Variants in GTF3C2 observed in about 807,000 individuals in gnomAD.
GTF3C2 encodes general transcription factor 3C polypeptide 2.
A neutral mutation model predicts 117.4 loss-of-function variants in GTF3C2; 17 were observed. That is an observed-to-expected ratio of 0.14 (90% CI 0.10 to 0.22). GTF3C2 has a LOEUF of 0.22. GTF3C2 is among the 10% of genes least tolerant of loss of function. GTF3C2 has a pLI of 1.00. For missense variants in GTF3C2, 888 were observed against 1,143.6 expected (o/e 0.78, Z 3.22); for synonymous variants, 437 against 427.0 (o/e 1.02, Z -0.29).
intron 1 of GTF3C2, among the ~76,000 whole-genome samples, chr2:27,348,041 C>T (rs970315174): frequency 6.6e-6 from 1 of 152,146 alleles, no homozygotes; most frequent in Non-Finnish European, 1.5e-5. Flanking sequence ...GAGGCCCGGA[C>T]GGGCCAATCA....
chr2:27,331,547 G>T (rs1004372123), intron 12 of GTF3C2, among the ~76,000 whole-genome samples: 3 of 151,946 alleles, frequency 2.0e-5, no homozygotes, highest in African/African-American at 7.2e-5. Flanking sequence ...GGATGGTCTC[G>T]ATCTCTTGAC....
chr2:27,336,041 A>G lies in GTF3C2; in HGVS notation c.1356-13T>C. On this transcript the variant is annotated splice_polypyrimidine_tract_variant and intron_variant, in intron 8 of 18. Transcript: ENST00000264720. The stretch of plus-strand genomic sequence containing the variant: ...CCTGTTGCCAGGACTGGAGAGAGAG[A>G]GCATGTGGGGATGGTGGGTAGGAAG... 1.3e-6 allele frequency: 2 copies of G among 1,561,138 alleles called. No homozygotes were observed. The highest frequency in any genetic ancestry group is 1.8e-6 in the Non-Finnish European group (2 of 1,131,760).
At chr2:27,349,144 A>ATTTTT (rs36040548) in intron 1 of GTF3C2, among the ~76,000 whole-genome samples, 8 of 39,202 alleles carry the variant, frequency 2.0e-4, no homozygotes, top group Admixed American at 3.4e-4. Context: ...GCCTGATTTG[A>ATTTTT]TTTTTTTTTT....
chr2:27,338,460 G>GCACACACA (rs59913490), intron 4 of GTF3C2, among the ~76,000 whole-genome samples: 6 of 76,184 alleles, frequency 7.9e-5, no homozygotes, highest in South Asian at 1.0e-3. Context: ...GCGCACGCGC[G>GCACACACA]CACACACACA....
intron 1 of GTF3C2, among the ~76,000 whole-genome samples, chr2:27,355,333 C>T (rs1180803293): frequency 1.3e-5 from 2 of 152,116 alleles, no homozygotes; most frequent in South Asian, 2.1e-4. Flanking sequence ...CCAGCCTGAC[C>T]AACATGGTAA....
exon 1 of GTF3C2, chr2:27,356,758 G>A (rs1466882696): frequency 6.5e-6 from 1 of 152,848 alleles, no homozygotes; most frequent in Non-Finnish European, 1.5e-5. Flanking sequence ...AGTCCTTCCG[G>A]AAGTCTAAGT....
At chr2:27,344,025 A>AC (rs1680834538) in intron 1 of GTF3C2, among the ~76,000 whole-genome samples, 1 of 145,766 alleles carries the variant, frequency 6.9e-6, no homozygotes, top group Non-Finnish European at 1.5e-5. Flanking sequence ...TAAAGCTTCC[A>AC]TTTTTTTTTT....
At position 27,337,562 on chromosome 2, in the gene GTF3C2, G is replaced by C. The variant is rs774419701; in HGVS notation, c.951-4C>G. ...GTATGAATGTTTCTGCTCTCGGCTGGAGAAACAGAAGAAGCATTAATGAAG... is the reference window on the plus strand; with the variant it reads ...GTATGAATGTTTCTGCTCTCGGCTGCAGAAACAGAAGAAGCATTAATGAAG... On this transcript the variant is annotated splice_polypyrimidine_tract_variant and splice_region_variant and intron_variant, in intron 5 of 18. Coordinates refer to ENST00000264720, the Ensembl canonical transcript of GTF3C2. 2 of 1,596,476 alleles carry C rather than the reference G, an allele frequency of 1.3e-6. No individual in the cohort carries two copies. The highest frequency in any genetic ancestry group is 1.7e-6 in the Non-Finnish European group (2 of 1,164,094).
chr2:27,329,621 T>A lies in GTF3C2; in HGVS notation c.1733-98A>T. ...CTCCTAGGACCTTTGTCTTCTACCC[T>A]CAGATCCAAACCACTATGAAAGGAT... On this transcript the variant is annotated intron_variant, in intron 12 of 18. Coordinates refer to ENST00000264720, the Ensembl canonical transcript of GTF3C2. This position sits in a 1 kb window ranked among gnomAD's most constrained non-coding sequence, Gnocchi z 4.5. The A allele has an allele frequency of 8.6e-7, 1 of 1,161,322 alleles. No homozygotes were observed. The highest frequency in any genetic ancestry group is 2.6e-4 in the Middle Eastern group (1 of 3,802). The allele number at this position is 1,161,322 out of a possible 1,614,324, so 71.9% of individuals were successfully genotyped here.
intron 1 of GTF3C2, among the ~76,000 whole-genome samples, chr2:27,345,398 G>A (rs1680881785): frequency 6.6e-6 from 1 of 152,152 alleles, no homozygotes; most frequent in Non-Finnish European, 1.5e-5. Context: ...TTCGAGACCA[G>A]CCTGGCCAAC....
chr2:27,348,072 C>T (rs1269950341), intron 1 of GTF3C2, among the ~76,000 whole-genome samples: 2 of 152,126 alleles, frequency 1.3e-5, no homozygotes, highest in South Asian at 4.1e-4. Flanking sequence ...AGTTTGAGAC[C>T]ACCTGGCCAA....
intron 17 of GTF3C2, among the ~76,000 whole-genome samples, 180 bp downstream of exon 17, chr2:27,327,857 A>C (rs1018483652): frequency 1.3e-5 from 2 of 151,714 alleles, no homozygotes; most frequent in African/African-American, 4.8e-5. Flanking sequence ...TGATCTCTTG[A>C]CCTTGTGATC....
chr2:27,352,393 C>T (rs1251146181), intron 1 of GTF3C2, among the ~76,000 whole-genome samples: 3 of 152,150 alleles, frequency 2.0e-5, no homozygotes, highest in African/African-American at 4.8e-5. Flanking sequence ...GTGGGAGATA[C>T]TTCAACTTTT....
exon 17 of GTF3C2, chr2:27,328,187 A>G: frequency 6.4e-7 from 1 of 1,568,592 alleles, no homozygotes; most frequent in Non-Finnish European, 8.6e-7. Flanking sequence ...CTTTATATAT[A>G]GGCTGGAAAG....
intron 12 of GTF3C2, among the ~76,000 whole-genome samples, chr2:27,331,887 C>T (rs1027733660): frequency 6.6e-6 from 1 of 152,046 alleles, no homozygotes; most frequent in Non-Finnish European, 1.5e-5. Flanking sequence ...CGCAGTGAGC[C>T]AAGATCTTGC....
At chr2:27,327,443 G>C (rs919516532) in intron 17 of GTF3C2, among the ~76,000 whole-genome samples, 159 bp from the exon 18 acceptor site, 1 of 151,966 alleles carries the variant, frequency 6.6e-6, no homozygotes, top group Non-Finnish European at 1.5e-5. Flanking sequence ...CTCCGCCTCA[G>C]CCTCCTGAGT....
chr2:27,342,277 A>G (rs761143457), intron 3 of GTF3C2, 44 bp from the exon 4 acceptor site: 1 of 1,509,250 alleles, frequency 6.6e-7, no homozygotes, highest in Non-Finnish European at 9.0e-7. Context: ...CATATGACTG[A>G]GAACCCACGT....
At chr2:27,344,011 C>G (rs1680833958) in intron 1 of GTF3C2, among the ~76,000 whole-genome samples, 1 of 150,210 alleles carries the variant, frequency 6.7e-6, no homozygotes, top group Non-Finnish European at 1.5e-5. Flanking sequence ...AACAAGTAAA[C>G]AAATAAAGCT....
intron 12 of GTF3C2, among the ~76,000 whole-genome samples, chr2:27,332,665 C>T (rs757253914): frequency 2.6e-5 from 4 of 152,052 alleles, no homozygotes; most frequent in Admixed American, 1.3e-4. Context: ...CTGCCTGCCT[C>T]GGCCTCCCAG....
Sources: allele counts gnomAD v4.1 joint callset (sites outside exome capture counted in the v4.1 genomes callset), GRCh38; gene constraint gnomAD v4.1.1; non-coding constraint Gnocchi (gnomAD v3.1); transcripts MANE v1.5; gene names NCBI Gene and HGNC (gene_info 2026-07-23, HGNC 2026-07-21).